KYAT1: variants seen among roughly 807,000 people sequenced by gnomAD.
KYAT1 encodes kynurenine--oxoglutarate transaminase 1.
A neutral mutation model predicts 52.4 loss-of-function variants in KYAT1; 47 were observed. The observed-to-expected ratio is 0.90, with a 90% confidence interval of 0.71 to 1.14. The LOEUF (loss-of-function observed/expected upper bound fraction) is 1.14, where lower values mean the gene tolerates loss of function less well. KYAT1 is among the 50% of genes most tolerant of loss of function. KYAT1 has a pLI of 0.00. For missense variants in KYAT1, 480 were observed against 557.9 expected (o/e 0.86, Z 1.41); for synonymous variants, 212 against 209.6 (o/e 1.01, Z -0.10).
chr9:128,846,996 A>G, intron 1 of KYAT1: 4 of 782,228 alleles, frequency 5.1e-6, no homozygotes, highest in Non-Finnish European at 7.8e-6. Context: ...AGGCTCAGGT[A>G]CCTGCCCAGG....
intron 1 of KYAT1, among the ~76,000 whole-genome samples, chr9:128,873,867 A>G (rs1381183015): frequency 6.6e-6 from 1 of 151,646 alleles, no homozygotes; most frequent in Non-Finnish European, 1.5e-5. Context: ...AATCGCTTCA[A>G]CCTGGGAGGC....
chr9:128,836,710 G>A, intron 7 of KYAT1, 92 bp downstream of exon 7: 1 of 1,453,592 alleles, frequency 6.9e-7, no homozygotes, highest in Admixed American at 2.0e-5. Flanking sequence ...ATAACCCTGG[G>A]TTCTAACTAC....
intron 1 of KYAT1, among the ~76,000 whole-genome samples, chr9:128,869,796 C>G (rs983270203): frequency 5.3e-5 from 8 of 151,622 alleles, no homozygotes; most frequent in South Asian, 4.2e-4. Flanking sequence ...CTCTGTTGCC[C>G]AGGCTAGAGT....
intron 1 of KYAT1, among the ~76,000 whole-genome samples, chr9:128,879,862 C>T (rs1838559984): frequency 6.6e-6 from 1 of 152,222 alleles, no homozygotes; most frequent in South Asian, 2.1e-4. Context: ...GAACTATGTG[C>T]TTGACCTGTT....
chr9:128,876,661 C>T (rs1158570304), intron 1 of KYAT1, among the ~76,000 whole-genome samples: 6 of 150,832 alleles, frequency 4.0e-5, no homozygotes, highest in East Asian at 1.9e-4. Context: ...CCTCGTGATC[C>T]GCCTGCCTCG....
chr9:128,865,334 TATATATATATATATATATA>T (rs1255498993), intron 1 of KYAT1, among the ~76,000 whole-genome samples: 123 of 2,458 alleles, frequency 0.05, 8 homozygotes, highest in Non-Finnish European at 0.098. Flanking sequence ...TATATATATA[TATATATATATATATATATA>T]TATATATTTT....
At chr9:128,880,275 A>G (rs1306934167) in intron 1 of KYAT1, among the ~76,000 whole-genome samples, 2 of 152,086 alleles carry the variant, frequency 1.3e-5, no homozygotes. Flanking sequence ...CACACCACAC[A>G]TCATGTCAAT....
rs71497421 is a variant in KYAT1 at position 128,838,936 on chromosome 9, T to TTTTATTTATTTA, written c.202-581_202-570dup. ...CTCCCAGCAGCTTTGCGGGAGAGGC[T>TTTTATTTATTTA]TTTATTTATTTATTTATTTATTTAT... On this transcript the variant is annotated intron_variant, in intron 3 of 12. Transcript: ENST00000302586. Among the ~76,000 whole-genome samples, 1,397 of 143,536 alleles carry TTTTATTTATTTA rather than the reference T, an allele frequency of 9.7e-3. 6 individuals carry two copies. Among genetic ancestry groups the TTTTATTTATTTA allele is most frequent in the African/African-American group, 0.017 (661 of 37,842 alleles). 94.2% of individuals were successfully genotyped at this position (143,536 alleles called of 152,430 possible).
Position 128,835,920 on chromosome 9 carries a change from C to G in KYAT1, c.766-52G>C, listed in dbSNP as rs142549598. 452 of 1,606,582 alleles carry G rather than the reference C, an allele frequency of 2.8e-4. 2 individuals carry two copies. In the African/African-American group the frequency reaches 5.0e-3, roughly 18 times the overall value. On this transcript the variant is annotated intron_variant, in intron 8 of 12. Transcript: ENST00000302586. Reference sequence around the variant, plus strand: ...GAGGTCCTTCCAGACCTGGCTAAAGCCTTCTTCATTCTCAGGCCCACCTCA... The same window carrying G: ...GAGGTCCTTCCAGACCTGGCTAAAGGCTTCTTCATTCTCAGGCCCACCTCA...
intron 1 of KYAT1, among the ~76,000 whole-genome samples, chr9:128,854,247 C>T (rs1238299175): frequency 6.6e-6 from 1 of 152,016 alleles, no homozygotes; most frequent in Admixed American, 6.6e-5. Flanking sequence ...ATATAACACT[C>T]CCCAGATGCA....
rs1029625062 is a variant in KYAT1 at position 128,865,175 on chromosome 9, T to C, written c.-7+16722A>G. Among the ~76,000 whole-genome samples, 228 of 140,952 alleles carry C rather than the reference T, an allele frequency of 1.6e-3. 2 individuals carry two copies. The highest frequency in any genetic ancestry group is 4.3e-4 in the East Asian group (2 of 4,680). 92.5% of individuals were successfully genotyped at this position (140,952 alleles called of 152,430 possible). Reference sequence around the variant, plus strand: ...TGGAGGTTGGGGCTGAAGTGAGCCATAATTGCACTACTGCACTGCAGCCTG... The same window carrying C: ...TGGAGGTTGGGGCTGAAGTGAGCCACAATTGCACTACTGCACTGCAGCCTG... On this transcript the variant is annotated intron_variant, in intron 1 of 12. Coordinates refer to ENST00000302586, the MANE Select transcript of KYAT1 (RefSeq NM_004059.5).
intron 1 of KYAT1, among the ~76,000 whole-genome samples, chr9:128,865,359 A>ATTTTTTTTTTTTTTT (rs776787253): frequency 1.5e-4 from 4 of 27,312 alleles, no homozygotes; most frequent in Non-Finnish European, 2.1e-4. Flanking sequence ...ATATATATAT[A>ATTTTTTTTTTTTTTT]TTTTTTTTTT....
At chr9:128,840,284 T>C (rs1346700089) in intron 3 of KYAT1, among the ~76,000 whole-genome samples, 3 of 151,938 alleles carry the variant, frequency 2.0e-5, no homozygotes, top group Non-Finnish European at 4.4e-5. Context: ...TTTGTTGTTG[T>C]TGTTGTTGTT....
In KYAT1 at chr9:128,833,452, T is replaced by A. The variant is rs1347089268; in HGVS notation, c.*132A>T. The A allele has an allele frequency of 2.2e-6, 2 of 901,472 alleles. No individual in the cohort carries two copies. Among genetic ancestry groups the A allele is most frequent in the Non-Finnish European group, 3.5e-6 (2 of 569,532 alleles). 55.8% of individuals were successfully genotyped at this position (901,472 alleles called of 1,614,324 possible). On this transcript the variant is annotated 3_prime_UTR_variant, in exon 13 of 13. Transcript: ENST00000302586. Reference sequence around the variant, plus strand: ...GGCGGCTCCCACCCAGAACATTCTGTGTCACGGAGAAGAGGTTTCCCAATA... The same window carrying A: ...GGCGGCTCCCACCCAGAACATTCTGAGTCACGGAGAAGAGGTTTCCCAATA...
chr9:128,851,442 A>G (rs1168026985), intron 1 of KYAT1, among the ~76,000 whole-genome samples: 1 of 152,200 alleles, frequency 6.6e-6, no homozygotes, highest in Non-Finnish European at 1.5e-5. Context: ...TCTCTTAAGA[A>G]GAGGGGGAGT....
chr9:128,879,276 C>CTCCA (rs1838471550), intron 1 of KYAT1, among the ~76,000 whole-genome samples: 1 of 151,820 alleles, frequency 6.6e-6, no homozygotes, highest in Non-Finnish European at 1.5e-5. Flanking sequence ...CACCACTGCA[C>CTCCA]TCCAGCCTGG....
chr9:128,861,538 G>A (rs368701550), intron 1 of KYAT1, among the ~76,000 whole-genome samples: 5 of 152,216 alleles, frequency 3.3e-5, no homozygotes, highest in East Asian at 1.9e-4. Flanking sequence ...AGCAGTGGGA[G>A]AATGGGCTAA....
At chr9:128,838,953 T>A (rs1457470665) in intron 3 of KYAT1, among the ~76,000 whole-genome samples, 1 of 150,682 alleles carries the variant, frequency 6.6e-6, no homozygotes, top group Non-Finnish European at 1.5e-5. Context: ...TATTTATTTA[T>A]TTATTTATTT....
At chr9:128,858,225 C>T (rs540957017) in intron 1 of KYAT1, among the ~76,000 whole-genome samples, 1 of 150,468 alleles carries the variant, frequency 6.6e-6, no homozygotes, top group South Asian at 2.1e-4. Context: ...GACAAAACCC[C>T]ATCTCTACCA....
Sources: gnomAD v4.1 joint callset for allele counts (sites outside exome capture counted in the v4.1 genomes callset) on GRCh38, gnomAD v4.1.1 for gene constraint, MANE v1.5 for transcripts, NCBI Gene and HGNC (gene_info 2026-07-23, HGNC 2026-07-21) for gene names.